Variants in GRM7 observed in about 807,000 individuals in gnomAD.
GRM7 encodes the protein metabotropic glutamate receptor 7.
A neutral mutation model predicts 84.5 loss-of-function variants in GRM7; 35 were observed. The observed-to-expected ratio is 0.41, with a 90% CI of 0.32 to 0.55. GRM7 has a LOEUF of 0.55. GRM7 is among the 20% of genes least tolerant of loss of function. The pLI, the probability that GRM7 is intolerant of heterozygous loss-of-function variation, is 0.19. For synonymous variants in GRM7, 487 were observed against 455.1 expected (o/e 1.07, Z -0.89); for missense variants, 1,003 against 1,194.6 (o/e 0.84, Z 2.36).
intron 4 of GRM7, among the ~76,000 whole-genome samples, chr3:7,387,935 T>C (rs976248456): frequency 1.3e-5 from 2 of 152,174 alleles, no homozygotes; most frequent in African/African-American, 4.8e-5. Context: ...GGAATGATTT[T>C]CCATTTGTTT....
Position 6,862,715 on chromosome 3 carries a change from T to G in GRM7, c.519+808T>G, listed in dbSNP as rs1312900641. 1 of 224,012 alleles carries G rather than the reference T, an allele frequency of 4.5e-6. No individual in the cohort carries two copies. Among genetic ancestry groups the G allele is most frequent in the Non-Finnish European group, 8.7e-6 (1 of 114,922 alleles). The allele number at this position is 224,012 out of a possible 1,614,324, so 13.9% of individuals were successfully genotyped here. ...AAACGAAATCGCTCTCCCTGCCTCCTCCCTCCTCCCCCCCGCCCCCCTCAC... is the reference window on the plus strand; with the variant it reads ...AAACGAAATCGCTCTCCCTGCCTCCGCCCTCCTCCCCCCCGCCCCCCTCAC... On this transcript the variant is annotated intron_variant, in intron 1 of 9. Coordinates refer to ENST00000357716, the MANE Select transcript of GRM7 (RefSeq NM_000844.4). The surrounding 1 kb of genome is among the most constrained non-coding windows in gnomAD (Gnocchi z 5.2).
At chr3:7,103,768 T>TTCTTTCTTTC in intron 1 of GRM7, among the ~76,000 whole-genome samples, 1 of 62,480 alleles carries the variant, frequency 1.6e-5, no homozygotes, top group Non-Finnish European at 2.7e-5. Flanking sequence ...CTTTCTTTCT[T>TTCTTTCTTTC]TCTTTCTTTC....
At chr3:7,455,326 G>A (rs1385298416) in intron 6 of GRM7, among the ~76,000 whole-genome samples, 9 of 152,120 alleles carry the variant, frequency 5.9e-5, no homozygotes, top group Admixed American at 5.9e-4. Flanking sequence ...TTGGGTTACA[G>A]TATGATGAGA....
At chr3:7,532,773 T>TG (rs1701088316) in intron 7 of GRM7, among the ~76,000 whole-genome samples, 2 of 113,596 alleles carry the variant, frequency 1.8e-5, no homozygotes, top group African/African-American at 6.9e-5. Flanking sequence ...TATAAGGGGA[T>TG]GGAGGAATAT....
chr3:7,522,136 G>A (rs1471508907), intron 7 of GRM7, among the ~76,000 whole-genome samples: 1 of 152,040 alleles, frequency 6.6e-6, no homozygotes, highest in East Asian at 1.9e-4. Flanking sequence ...TGTCTAACCT[G>A]GAAATAAAGG....
At chr3:6,989,882 C>T (rs1694568300) in intron 1 of GRM7, among the ~76,000 whole-genome samples, 1 of 152,224 alleles carries the variant, frequency 6.6e-6, no homozygotes, top group African/African-American at 2.4e-5. Context: ...CAGCCTCTCT[C>T]TACTATGTGC....
At chr3:7,698,246 G>C (rs1701094187) in intron 9 of GRM7, among the ~76,000 whole-genome samples, 1 of 152,192 alleles carries the variant, frequency 6.6e-6, no homozygotes, top group Admixed American at 6.5e-5. Context: ...GTTCTGGGCA[G>C]AGGGATCGTC....
intron 2 of GRM7, among the ~76,000 whole-genome samples, chr3:7,149,408 A>G (rs929561387): frequency 2.6e-5 from 4 of 152,218 alleles, no homozygotes; most frequent in Non-Finnish European, 5.9e-5. Flanking sequence ...TGTTCAATTG[A>G]AGAAATAATC....
chr3:6,941,292 A>C (rs1033820243), intron 1 of GRM7, among the ~76,000 whole-genome samples: 1 of 152,200 alleles, frequency 6.6e-6, no homozygotes, highest in African/African-American at 2.4e-5. Context: ...TAATACCAAA[A>C]TGGCAAACGT....
chr3:7,184,972 A>G (rs569714182), intron 2 of GRM7, among the ~76,000 whole-genome samples: 11 of 152,348 alleles, frequency 7.2e-5, no homozygotes, highest in African/African-American at 2.6e-4. Context: ...ATTAGCCACC[A>G]TGCTGAGTAT....
intron 2 of GRM7, among the ~76,000 whole-genome samples, chr3:7,224,281 G>A (rs1696907614): frequency 6.6e-6 from 1 of 152,124 alleles, no homozygotes; most frequent in African/African-American, 2.4e-5. Context: ...AAAGGAGAGA[G>A]GAGGCGAGGT....
chr3:7,709,068 T>C (rs1459618403), intron 9 of GRM7, among the ~76,000 whole-genome samples: 2 of 150,690 alleles, frequency 1.3e-5, no homozygotes, highest in East Asian at 1.9e-4. Flanking sequence ...AAAGTCAACA[T>C]CCATCCTCTG....
intron 7 of GRM7, among the ~76,000 whole-genome samples, chr3:7,525,205 T>C (rs920591517): frequency 1.2e-4 from 18 of 152,056 alleles, no homozygotes; most frequent in Admixed American, 5.9e-4. Context: ...GCATGGCACA[T>C]GTATACATAT....
intron 7 of GRM7, among the ~76,000 whole-genome samples, chr3:7,472,703 C>G (rs1698752480): frequency 6.6e-6 from 1 of 152,148 alleles, no homozygotes; most frequent in Non-Finnish European, 1.5e-5. Flanking sequence ...GAAATCTGGT[C>G]AAAATCAGGA....
chr3:7,540,695 T>G (rs1302287925), intron 7 of GRM7, among the ~76,000 whole-genome samples: 1 of 152,220 alleles, frequency 6.6e-6, no homozygotes, highest in Non-Finnish European at 1.5e-5. Context: ...TTACATCTTT[T>G]AAAATGGCAG....
intron 2 of GRM7, among the ~76,000 whole-genome samples, chr3:7,206,412 G>T (rs6786155): frequency 6.6e-6 from 1 of 151,964 alleles, no homozygotes; most frequent in African/African-American, 2.4e-5. Context: ...ACAACTAAAT[G>T]ATGTCAGATG....
At chr3:7,264,446 C>G (rs944336885) in intron 2 of GRM7, among the ~76,000 whole-genome samples, 3 of 152,098 alleles carry the variant, frequency 2.0e-5, no homozygotes, top group Admixed American at 6.5e-5. Context: ...TGCCAGGATT[C>G]CAGAGGCCTG....
intron 5 of GRM7, among the ~76,000 whole-genome samples, chr3:7,448,336 C>A (rs1220175563): frequency 6.6e-6 from 1 of 152,126 alleles, no homozygotes; most frequent in Non-Finnish European, 1.5e-5. Context: ...CTGACTTCCA[C>A]AATGGCAAAC....
At chr3:6,927,641 ATGCATT>A (rs1697361078) in intron 1 of GRM7, among the ~76,000 whole-genome samples, 1 of 152,182 alleles carries the variant, frequency 6.6e-6, no homozygotes, top group South Asian at 2.1e-4. Context: ...CCACTATTAC[ATGCATT>A]TATGTTCATA....
Sources: gnomAD v4.1 joint callset for allele counts (sites outside exome capture counted in the v4.1 genomes callset) on GRCh38, gnomAD v4.1.1 for gene constraint, Gnocchi (gnomAD v3.1) non-coding constraint, MANE v1.5 for transcripts, NCBI Gene and HGNC (gene_info 2026-07-23, HGNC 2026-07-21) for gene names.